PDE4D: variants seen among roughly 807,000 people sequenced by gnomAD.
The protein encoded by PDE4D is phosphodiesterase 4D.
PDE4D carries 24 observed loss-of-function variants against 87.4 expected under a neutral mutation model. That is an observed-to-expected ratio of 0.27 (90% CI 0.20 to 0.39). PDE4D has a LOEUF of 0.39. Among genes scored for constraint, PDE4D ranks in the 10% least tolerant of loss-of-function variants. The probability of loss-of-function intolerance (pLI) is 1.00; values close to 1 mark genes in which losing one functional copy is unlikely to be tolerated. For missense variants in PDE4D, 714 were observed against 1,041.0 expected (o/e 0.69, Z 4.32); for synonymous variants, 384 against 383.2 (o/e 1.00, Z -0.02).
At chr5:59,514,783 G>C (rs1810883597) in intron 1 of PDE4D, among the ~76,000 whole-genome samples, 1 of 152,158 alleles carries the variant, frequency 6.6e-6, no homozygotes, top group Admixed American at 6.5e-5. Context: ...GATTATAACA[G>C]AGTGTGTCTC....
intron 1 of PDE4D, among the ~76,000 whole-genome samples, chr5:59,877,057 A>G (rs1367672230): frequency 6.6e-6 from 1 of 152,202 alleles, no homozygotes; most frequent in Non-Finnish European, 1.5e-5. Context: ...CTTATACCAT[A>G]TTTACAACTC....
chr5:59,497,482 T>C (rs1807434166), intron 1 of PDE4D, among the ~76,000 whole-genome samples: 1 of 151,880 alleles, frequency 6.6e-6, no homozygotes, highest in Non-Finnish European at 1.5e-5. Flanking sequence ...ATAGCTATAT[T>C]AAGAAAGAAC....
At chr5:60,178,044 A>G (rs1017113337) in intron 2 of PDE4D, among the ~76,000 whole-genome samples, 1 of 152,170 alleles carries the variant, frequency 6.6e-6, no homozygotes, top group African/African-American at 2.4e-5. Context: ...AATGTTTTAT[A>G]ATTCAGAGTA....
At chr5:59,356,138 AT>A (rs1424223759) in intron 1 of PDE4D, among the ~76,000 whole-genome samples, 1 of 152,166 alleles carries the variant, frequency 6.6e-6, no homozygotes, top group African/African-American at 2.4e-5. Flanking sequence ...GAAATCCAAT[AT>A]TTTTTAAGTG....
intron 3 of PDE4D, among the ~76,000 whole-genome samples, chr5:59,187,130 A>G (rs1051324010): frequency 6.6e-6 from 1 of 152,166 alleles, no homozygotes; most frequent in African/African-American, 2.4e-5. Context: ...AGACATAGAA[A>G]TGCAGGCAAC....
intron 1 of PDE4D, among the ~76,000 whole-genome samples, chr5:59,857,240 A>G (rs1349160608): frequency 6.6e-6 from 1 of 152,124 alleles, no homozygotes; most frequent in Non-Finnish European, 1.5e-5. Context: ...ATTTGTCCAG[A>G]GCAGGGGATA....
intron 1 of PDE4D, among the ~76,000 whole-genome samples, chr5:59,616,195 G>T (rs990588772): frequency 1.3e-5 from 2 of 151,228 alleles, no homozygotes; most frequent in Non-Finnish European, 2.9e-5. Context: ...GTAAAACCAA[G>T]AAATAATCTC....
At chr5:59,133,993 T>TTGC (rs1776662664) in intron 5 of PDE4D, among the ~76,000 whole-genome samples, 1 of 151,026 alleles carries the variant, frequency 6.6e-6, no homozygotes, top group Non-Finnish European at 1.5e-5. Context: ...TTTGTTGTTG[T>TTGC]TGTTGTTGTT....
At chr5:60,449,282 G>T (rs1207829021) in intron 1 of PDE4D, among the ~76,000 whole-genome samples, 1 of 151,714 alleles carries the variant, frequency 6.6e-6, no homozygotes, top group East Asian at 1.9e-4. Flanking sequence ...AGCTTCATTT[G>T]GTGTTCTGAA....
At chr5:60,078,618 A>T (rs1773584012) in intron 2 of PDE4D, among the ~76,000 whole-genome samples, 1 of 151,976 alleles carries the variant, frequency 6.6e-6, no homozygotes, top group African/African-American at 2.4e-5. Context: ...ACCCCCACTT[A>T]TGGGTGAGAA....
intron 1 of PDE4D, among the ~76,000 whole-genome samples, chr5:59,762,939 T>C (rs1318238192): frequency 6.8e-6 from 1 of 146,330 alleles, no homozygotes; most frequent in Non-Finnish European, 1.5e-5. Context: ...TGGAGATATA[T>C]ATACATGTAC....
intron 2 of PDE4D, among the ~76,000 whole-genome samples, chr5:60,030,625 T>A (rs995297700): frequency 1.3e-5 from 2 of 152,198 alleles, no homozygotes; most frequent in Non-Finnish European, 2.9e-5. Flanking sequence ...AAAAGACACA[T>A]GATTTTAAAA....
intron 1 of PDE4D, among the ~76,000 whole-genome samples, chr5:59,857,965 T>G (rs1581451066): frequency 2.0e-4 from 24 of 117,808 alleles, no homozygotes; most frequent in African/African-American, 5.3e-4. Flanking sequence ...GTAGGGAGAA[T>G]GGAAGGAAGG....
At chr5:60,121,473 A>G (rs1204782961) in intron 2 of PDE4D, among the ~76,000 whole-genome samples, 1 of 152,108 alleles carries the variant, frequency 6.6e-6, no homozygotes, top group South Asian at 2.1e-4. Flanking sequence ...CCTCACAATC[A>G]TGGCAGGAGG....
At chr5:59,850,391 T>C (rs1177329956) in intron 1 of PDE4D, among the ~76,000 whole-genome samples, 1 of 152,068 alleles carries the variant, frequency 6.6e-6, no homozygotes, top group Admixed American at 6.6e-5. Flanking sequence ...AAAATGAGCA[T>C]GGTAATAAGA....
chr5:60,272,546 C>T (rs1750922467), intron 1 of PDE4D, among the ~76,000 whole-genome samples: 1 of 152,134 alleles, frequency 6.6e-6, no homozygotes, highest in Non-Finnish European at 1.5e-5. Flanking sequence ...CTGCCAGCTC[C>T]ACAACATGAA....
intron 2 of PDE4D, among the ~76,000 whole-genome samples, chr5:60,021,522 G>A (rs1454022264): frequency 6.6e-6 from 1 of 152,182 alleles, no homozygotes; most frequent in Non-Finnish European, 1.5e-5. Flanking sequence ...CTCAGAATAA[G>A]AATTTGTGGT....
chr5:60,017,593 C>T (rs1390891970), intron 2 of PDE4D, among the ~76,000 whole-genome samples: 2 of 152,146 alleles, frequency 1.3e-5, no homozygotes, highest in Non-Finnish European at 2.9e-5. Flanking sequence ...TAATGGCTTC[C>T]AGCTCCATCC....
At chr5:59,736,947 T>C (rs1021567994) in intron 1 of PDE4D, among the ~76,000 whole-genome samples, 15 of 152,320 alleles carry the variant, frequency 9.8e-5, no homozygotes, top group African/African-American at 3.6e-4. Context: ...AAGTATTACT[T>C]TGGTAATCAG....
Sources: allele counts gnomAD v4.1 joint callset (sites outside exome capture counted in the v4.1 genomes callset), GRCh38; gene constraint gnomAD v4.1.1; transcripts MANE v1.5; gene names NCBI Gene and HGNC (gene_info 2026-07-23, HGNC 2026-07-21).